ANKS1A: variants seen among roughly 807,000 people sequenced by gnomAD.
ANKS1A encodes the protein ankyrin repeat and SAM domain-containing protein 1A.
Under a neutral mutation model 120.3 loss-of-function variants are expected in ANKS1A, and 55 were observed. That is an observed-to-expected ratio of 0.46 (90% CI 0.37 to 0.57). The LOEUF (loss-of-function observed/expected upper bound fraction) is 0.57, where lower values mean the gene tolerates loss of function less well. Ranked by LOEUF, ANKS1A falls within the 20% of genes least tolerant of loss-of-function variation. The pLI, the probability that ANKS1A is intolerant of heterozygous loss-of-function variation, is 0.00. For missense variants in ANKS1A, 1,123 were observed against 1,480.3 expected (o/e 0.76, Z 3.96); for synonymous variants, 590 against 604.7 (o/e 0.98, Z 0.36).
At chr6:34,935,336 C>T (rs1010730893) in intron 1 of ANKS1A, among the ~76,000 whole-genome samples, 12 of 152,234 alleles carry the variant, frequency 7.9e-5, no homozygotes, top group Admixed American at 2.6e-4. Flanking sequence ...TTCCTTCCAC[C>T]TCAGCCTCCC....
At chr6:35,055,483 C>A (rs1173668424) in intron 12 of ANKS1A, among the ~76,000 whole-genome samples, 5 of 152,156 alleles carry the variant, frequency 3.3e-5, no homozygotes, top group South Asian at 2.1e-4. Context: ...GCATGTAACA[C>A]CACGCCTGGC....
intron 1 of ANKS1A, among the ~76,000 whole-genome samples, chr6:34,909,164 C>T (rs568943076): frequency 3.3e-5 from 5 of 152,220 alleles, no homozygotes; most frequent in Admixed American, 2.0e-4. Context: ...TTTTCTCCAC[C>T]GTACACCCAT....
intron 1 of ANKS1A, among the ~76,000 whole-genome samples, chr6:34,949,545 T>C (rs1206369646): frequency 6.6e-6 from 1 of 152,218 alleles, no homozygotes; most frequent in African/African-American, 2.4e-5. Flanking sequence ...TTGGAGGTTA[T>C]TTCAAGAGTA....
At chr6:34,969,889 TAG>T (rs1378881164) in intron 2 of ANKS1A, 119 bp from the exon 3 acceptor site, 19 of 1,189,196 alleles carry the variant, frequency 1.6e-5, no homozygotes, top group South Asian at 3.1e-5. Context: ...TGAGCTCAGG[TAG>T]AGACACAGGA....
At chr6:34,944,228 A>T (rs1016195461) in intron 1 of ANKS1A, among the ~76,000 whole-genome samples, 1 of 152,114 alleles carries the variant, frequency 6.6e-6, no homozygotes, top group African/African-American at 2.4e-5. Flanking sequence ...CAGTGAGCTG[A>T]GATCATGCTA....
Position 35,084,680 on chromosome 6 carries a change from C to T in ANKS1A, c.3132+422C>T, listed in dbSNP as rs971591962. On this transcript the variant is annotated intron_variant, in intron 21 of 23. Coordinates refer to ENST00000360359, the MANE Select transcript of ANKS1A (RefSeq NM_015245.3). The surrounding 1 kb of genome is among the most constrained non-coding windows in gnomAD (Gnocchi z 4.8). ...GGTCAGGCAAGGCCTTTGTTTCCCCCGGCTCCCTGCCCTAGGTCTCCAACC... is the reference window on the plus strand; with the variant it reads ...GGTCAGGCAAGGCCTTTGTTTCCCCTGGCTCCCTGCCCTAGGTCTCCAACC... Among the ~76,000 whole-genome samples, 6 of 152,142 alleles carry T rather than the reference C, an allele frequency of 3.9e-5. No individual in the cohort carries two copies. The highest frequency in any genetic ancestry group is 1.2e-4 in the African/African-American group (5 of 41,420).
chr6:35,029,372 A>G, intron 11 of ANKS1A, among the ~76,000 whole-genome samples: 1 of 124,230 alleles, frequency 8.0e-6, no homozygotes, highest in Admixed American at 8.8e-5. Context: ...TTTTTTTGAG[A>G]CAGTCTTGCT....
chr6:34,956,369 T>C (rs2127497259), intron 1 of ANKS1A, among the ~76,000 whole-genome samples: 1 of 152,188 alleles, frequency 6.6e-6, no homozygotes, highest in East Asian at 1.9e-4. Context: ...TTTTTTTGTG[T>C]GTGCTCTGTC....
rs1270643581 is a variant in ANKS1A, at chr6:35,058,435, G to A, written c.2078-1712G>A. ...AGCAGACTTCCCCATTCAAGGGCAGGGGAGCTCAAGTATCCCCCAGACTCG... is the reference window on the plus strand; with the variant it reads ...AGCAGACTTCCCCATTCAAGGGCAGAGGAGCTCAAGTATCCCCCAGACTCG... On this transcript the variant is annotated intron_variant, in intron 12 of 23. Transcript: ENST00000360359. The surrounding 1 kb of genome is among the most constrained non-coding windows in gnomAD (Gnocchi z 5.1). The A allele has an allele frequency of 1.3e-5, 2 of 152,242 alleles. No homozygotes were observed. The highest frequency in any genetic ancestry group is 2.9e-5 in the Non-Finnish European group (2 of 68,042). 9.4% of individuals were successfully genotyped at this position (152,242 alleles called of 1,614,324 possible). A position where few individuals can be genotyped will look rare whatever the true frequency, so the allele number is the denominator to read the frequency against.
intron 13 of ANKS1A, among the ~76,000 whole-genome samples, chr6:35,075,652 G>A (rs1176849434): frequency 6.6e-6 from 1 of 152,134 alleles, no homozygotes. Context: ...CTGACCTCAT[G>A]ATCTGCCCAC....
chr6:35,015,715 C>T (rs1297838472), intron 10 of ANKS1A, among the ~76,000 whole-genome samples: 1 of 152,238 alleles, frequency 6.6e-6, no homozygotes, highest in African/African-American at 2.4e-5. Context: ...CCTGCTCAGA[C>T]CTCAGCGAGT....
At chr6:34,906,082 C>T (rs1178687480) in intron 1 of ANKS1A, among the ~76,000 whole-genome samples, 1 of 152,180 alleles carries the variant, frequency 6.6e-6, no homozygotes, top group Non-Finnish European at 1.5e-5. Context: ...ACCTCAACCA[C>T]CATCTAGCCG....
intron 1 of ANKS1A, among the ~76,000 whole-genome samples, chr6:34,919,306 A>C (rs999593754): frequency 6.6e-6 from 1 of 152,160 alleles, no homozygotes; most frequent in African/African-American, 2.4e-5. Flanking sequence ...GACCTGGAGC[A>C]CCTTTTCAGT....
intron 12 of ANKS1A, among the ~76,000 whole-genome samples, chr6:35,055,115 G>A (rs1377750395): frequency 6.6e-6 from 1 of 152,218 alleles, no homozygotes; most frequent in Non-Finnish European, 1.5e-5. Flanking sequence ...GCTTGAGTGT[G>A]CACATCAGGG....
chr6:34,950,935 T>C (rs1770064646), intron 1 of ANKS1A, among the ~76,000 whole-genome samples: 1 of 152,220 alleles, frequency 6.6e-6, no homozygotes, highest in Non-Finnish European at 1.5e-5. Context: ...GACTGAAGTT[T>C]GGTCAAGCAG....
At chr6:34,934,272 G>C (rs766084425) in intron 1 of ANKS1A, among the ~76,000 whole-genome samples, 1 of 151,984 alleles carries the variant, frequency 6.6e-6, no homozygotes, top group South Asian at 2.1e-4. Context: ...CTCAGCCTCC[G>C]GAGCAGCTGG....
intron 11 of ANKS1A, among the ~76,000 whole-genome samples, chr6:35,046,316 A>G (rs1214298723): frequency 6.6e-6 from 1 of 152,164 alleles, no homozygotes; most frequent in African/African-American, 2.4e-5. Context: ...ACAGGGAATA[A>G]TGGTGCCATC....
intron 1 of ANKS1A, among the ~76,000 whole-genome samples, chr6:34,907,043 C>T (rs926354576): frequency 6.6e-6 from 1 of 152,164 alleles, no homozygotes; most frequent in African/African-American, 2.4e-5. Flanking sequence ...TCTTGTGTTC[C>T]TTCCCCAAAT....
At chr6:34,946,896 A>G (rs1769826398) in intron 1 of ANKS1A, among the ~76,000 whole-genome samples, 1 of 152,214 alleles carries the variant, frequency 6.6e-6, no homozygotes, top group Non-Finnish European at 1.5e-5. Flanking sequence ...CAGACCGTCA[A>G]TTGAGGTAGG....
Sources: gnomAD v4.1 joint callset for allele counts (sites outside exome capture counted in the v4.1 genomes callset) on GRCh38, gnomAD v4.1.1 for gene constraint, Gnocchi (gnomAD v3.1) non-coding constraint, MANE v1.5 for transcripts, NCBI Gene and HGNC (gene_info 2026-07-23, HGNC 2026-07-21) for gene names.